MYLK4: variants seen among roughly 807,000 people sequenced by gnomAD.
MYLK4 encodes the protein myosin light chain kinase family member 4.
Under a neutral mutation model 48.1 loss-of-function variants are expected in MYLK4, and 46 were observed. The observed-to-expected ratio is 0.96, with a 90% CI of 0.75 to 1.22. The LOEUF is 1.22. Ranked by LOEUF, MYLK4 falls within the 50% of genes most tolerant of loss-of-function variation. The pLI is 0.00. For missense variants in MYLK4, 451 were observed against 486.1 expected, an observed-to-expected ratio of 0.93 and a Z score of 0.68; for synonymous variants, 170 against 180.8, an observed-to-expected ratio of 0.94 and a Z score of 0.48.
chr6:2,719,136 T>C (rs1290112334), intron 2 of MYLK4, among the ~76,000 whole-genome samples: 3 of 152,290 alleles, frequency 2.0e-5, no homozygotes, highest in African/African-American at 7.2e-5. Context: ...GCTAGAACTC[T>C]CTACAAAAGG....
intron 2 of MYLK4, among the ~76,000 whole-genome samples, chr6:2,703,665 CTTTTTTTTTTTT>C (rs3055234): frequency 3.2e-5 from 3 of 95,120 alleles, no homozygotes; most frequent in African/African-American, 4.1e-5. Flanking sequence ...TTTGTGAATT[CTTTTTTTTTTTT>C]TTTTTTTTTT....
chr6:2,674,307 A>C (rs971740785), intron 11 of MYLK4, among the ~76,000 whole-genome samples: 13 of 152,202 alleles, frequency 8.5e-5, no homozygotes, highest in African/African-American at 3.1e-4. Flanking sequence ...TATTAGAGTT[A>C]AGATTTGGTG....
In MYLK4 at chr6:2,679,167, C is replaced by T. The variant is rs1236882571; in HGVS notation, c.887+113G>A. 6.4e-6 allele frequency: 8 copies of T among 1,253,866 alleles called. No homozygotes were observed. The East Asian group carries it at 9.3e-5, about 15-fold the overall frequency. 77.7% of individuals were successfully genotyped at this position (1,253,866 alleles called of 1,614,324 possible). On this transcript the variant is annotated intron_variant, in intron 9 of 12. Transcript: ENST00000274643. Reference sequence around the variant, plus strand: ...ACCTAGAAGGCAACTGAGGATGGGACAGTGTTATTTATTTTTTAAATACCC... The same window carrying T: ...ACCTAGAAGGCAACTGAGGATGGGATAGTGTTATTTATTTTTTAAATACCC...
chr6:2,730,595 C>T (rs996382270), intron 2 of MYLK4, among the ~76,000 whole-genome samples: 6 of 152,122 alleles, frequency 3.9e-5, no homozygotes, highest in Non-Finnish European at 5.9e-5. Flanking sequence ...GTGTAGGAAT[C>T]CCCTGTTGCT....
At chr6:2,770,152 G>A in the MYLK4 span, 7 of 1,614,188 alleles carry the variant, frequency 4.3e-6, no homozygotes, top group Non-Finnish European at 5.1e-6. Context: ...AATGTGGGAC[G>A]ATCACTCTGA....
rs1762649877 is a variant in MYLK4 at position 2,710,950 on chromosome 6, G to A, written c.160-18091C>T. Among the ~76,000 whole-genome samples, 4 of 152,168 alleles carry A rather than the reference G, an allele frequency of 2.6e-5. No homozygotes were observed. In the South Asian group the frequency reaches 6.2e-4, roughly 24 times the overall value. On this transcript the variant is annotated intron_variant, in intron 2 of 12. Coordinates refer to ENST00000274643, the MANE Select transcript of MYLK4 (RefSeq NM_001012418.5). ...TGCCAGCCTTTCTTTTTTCAAATCA[G>A]TGGTTTCAAGTTTATTCCTTATAAT...
At position 2,666,936 on chromosome 6, in the gene MYLK4, A is replaced by T. The variant is rs1448430007; in HGVS notation, c.*989T>A. On this transcript the variant is annotated 3_prime_UTR_variant, in exon 13 of 13. Transcript: ENST00000274643. The stretch of plus-strand genomic sequence containing the variant: ...TGAGTCCCATGAGACAGCACAGGCG[A>T]GAGACTGTACTTGGTCTTTGCCACT... 1 of 152,238 alleles carries T rather than the reference A, an allele frequency of 6.6e-6. No individual in the cohort carries two copies. Among genetic ancestry groups the T allele is most frequent in the Non-Finnish European group, 1.5e-5 (1 of 68,050 alleles). The allele number at this position is 152,238 out of a possible 1,614,324, so 9.4% of individuals were successfully genotyped here. A position where few individuals can be genotyped will look rare whatever the true frequency, so the allele number is the denominator to read the frequency against.
chr6:2,700,518 C>T (rs1172891512), intron 2 of MYLK4, among the ~76,000 whole-genome samples: 1 of 152,170 alleles, frequency 6.6e-6, no homozygotes, highest in Non-Finnish European at 1.5e-5. Context: ...ACACTGGAAT[C>T]CCTCTTCCTC....
the MYLK4 span, among the ~76,000 whole-genome samples, chr6:2,762,323 C>A: frequency 6.6e-6 from 1 of 152,220 alleles, no homozygotes; most frequent in Non-Finnish European, 1.5e-5. Context: ...ACTGTCTAAT[C>A]TTGAAACACG....
At chr6:2,744,571 C>A (rs928390278) in intron 2 of MYLK4, among the ~76,000 whole-genome samples, 4 of 152,176 alleles carry the variant, frequency 2.6e-5, no homozygotes, top group Non-Finnish European at 5.9e-5. Context: ...TCAGGAAATG[C>A]CACCTGGTGT....
In MYLK4 at chr6:2,744,970, A is replaced by T. The variant is rs578080286; in HGVS notation, c.159+4166T>A. Among the ~76,000 whole-genome samples, 5 of 152,324 alleles carry T rather than the reference A, an allele frequency of 3.3e-5. No individual in the cohort carries two copies. The South Asian group carries it at 1.0e-3, about 32-fold the overall frequency. ...TATTTTTGTAGAGTGAGCATTCACA[A>T]CCTGTGTCCTACTTTTATACTTGGG... On this transcript the variant is annotated intron_variant, in intron 2 of 12. Coordinates refer to ENST00000274643, the MANE Select transcript of MYLK4 (RefSeq NM_001012418.5).
intron 9 of MYLK4, 84 bp from the exon 10 acceptor site, chr6:2,678,456 T>C: frequency 6.9e-7 from 1 of 1,447,894 alleles, no homozygotes; most frequent in Non-Finnish European, 9.4e-7. Flanking sequence ...GTTGTGCCAT[T>C]TAAAGGTGAG....
At chr6:2,749,069 T>C in intron 2 of MYLK4, 67 bp downstream of exon 2, 1 of 1,459,296 alleles carries the variant, frequency 6.9e-7, no homozygotes, top group Non-Finnish European at 9.3e-7. Context: ...CACAAGCGGC[T>C]CCATGACATT....
chr6:2,766,164 A>ACGGCGAGGACGACCCGGGGCACTG, the MYLK4 span: 2 of 1,333,608 alleles, frequency 1.5e-6, no homozygotes, highest in Non-Finnish European at 1.9e-6. Flanking sequence ...GCGGACGCGG[A>ACGGCGAGGACGACCCGGGGCACTG]CGGCGAGGAC....
At chr6:2,671,589 C>A (rs1760899565) in intron 11 of MYLK4, among the ~76,000 whole-genome samples, 1 of 152,186 alleles carries the variant, frequency 6.6e-6, no homozygotes. Flanking sequence ...CACTTAGAGT[C>A]AGGGCCAAAC....
rs547709188 is a variant in MYLK4 at position 2,706,727 on chromosome 6, G to A, written c.160-13868C>T. 1.4e-4 allele frequency among the ~76,000 whole-genome samples: 22 copies of A among 152,248 alleles called. No homozygotes were observed. The South Asian group carries it at 3.9e-3, about 27-fold the overall frequency. ...AGAGAGGTACAGTATCACCCAGGGC[G>A]TGCATTTCCATAGGAAGCCACAGCA... On this transcript the variant is annotated intron_variant, in intron 2 of 12. Coordinates refer to ENST00000274643, the MANE Select transcript of MYLK4 (RefSeq NM_001012418.5).
intron 2 of MYLK4, among the ~76,000 whole-genome samples, chr6:2,719,215 C>G (rs534242577): frequency 1.3e-5 from 2 of 152,064 alleles, no homozygotes; most frequent in African/African-American, 2.4e-5. Context: ...CCCACATACA[C>G]GAAAAAACAC....
chr6:2,717,362 T>C (rs1031897581), intron 2 of MYLK4, among the ~76,000 whole-genome samples: 2 of 152,080 alleles, frequency 1.3e-5, no homozygotes, highest in Non-Finnish European at 2.9e-5. Context: ...ATAAAGCAGG[T>C]CCCTAAGCAG....
chr6:2,710,224 C>T (rs1762625221), intron 2 of MYLK4, among the ~76,000 whole-genome samples: 1 of 152,140 alleles, frequency 6.6e-6, no homozygotes, highest in Non-Finnish European at 1.5e-5. Context: ...GTTGAATAAA[C>T]ATAGAAATTG....
Sources: gnomAD v4.1 joint callset for allele counts (sites outside exome capture counted in the v4.1 genomes callset) on GRCh38, gnomAD v4.1.1 for gene constraint, MANE v1.5 for transcripts, NCBI Gene and HGNC (gene_info 2026-07-23, HGNC 2026-07-21) for gene names.